The following QRICH2 variants were observed in gnomAD, a reference collection of about 807,000 sequenced individuals.
The protein encoded by QRICH2 is glutamine rich 2, also known as glutamine-rich protein 2.
In QRICH2, 119 loss-of-function variants were observed where a neutral mutation model predicts 168.3. The observed-to-expected ratio is 0.71, with a 90% CI of 0.61 to 0.82. QRICH2 has a LOEUF of 0.82. Ranked by LOEUF, QRICH2 falls within the 40% of genes least tolerant of loss-of-function variation. QRICH2 has a pLI of 0.00. For synonymous variants in QRICH2, 894 were observed against 951.2 expected (o/e 0.94, Z 1.11); for missense variants, 2,241 against 2,491.6 (o/e 0.90, Z 2.14).
At chr17:76,286,142 T>C (rs2070880865) in intron 7 of QRICH2, among the ~76,000 whole-genome samples, 1 of 151,088 alleles carries the variant, frequency 6.6e-6, no homozygotes, top group African/African-American at 2.4e-5. Flanking sequence ...GCCACTGCAC[T>C]CCAGCCTAGG....
rs559006309 is a variant in QRICH2 at position 76,275,497 on chromosome 17, T to G, written c.5482+322A>C. Reference sequence around the variant, plus strand: ...CATGGCCTGTGCCCAGCAGCCACCATGCAGAGCCCAGGCGCACGAGCTCCA... The same window carrying G: ...CATGGCCTGTGCCCAGCAGCCACCAGGCAGAGCCCAGGCGCACGAGCTCCA... On this transcript the variant is annotated intron_variant, in intron 18 of 18. Transcript: ENST00000680821. Among the ~76,000 whole-genome samples the G allele has an allele frequency of 2.5e-4, 38 of 152,262 alleles. No individual in the cohort carries two copies. In the East Asian group the frequency reaches 7.0e-3, roughly 28 times the overall value.
intron 3 of QRICH2, among the ~76,000 whole-genome samples, chr17:76,304,210 A>G (rs73996304): frequency 0.12 from 18,510 of 152,216 alleles, 2,592 homozygotes; most frequent in African/African-American, 0.35. Context: ...CCAAATCACT[A>G]ACACACATCC....
At chr17:76,278,335 A>C (rs2143140584) in intron 14 of QRICH2, 146 bp from the exon 15 acceptor site, 1 of 721,710 alleles carries the variant, frequency 1.4e-6, no homozygotes, top group Non-Finnish European at 2.3e-6. Flanking sequence ...CCTCAGCAGT[A>C]GTCCTTTCCA....
At chr17:76,297,247 C>G (rs546344606) in intron 3 of QRICH2, among the ~76,000 whole-genome samples, 2 of 152,256 alleles carry the variant, frequency 1.3e-5, no homozygotes, top group East Asian at 3.9e-4. Context: ...TGTCCCACAC[C>G]GGTAATCCCA....
chr17:76,307,504 A>T lies in QRICH2; in HGVS notation c.495T>A (p.Ser165Arg). ...VRAFDRVRTG[S>R]IMKDAAEELS... ...GCTCCTCGGCGGCGTCCTTCATGAT[A>T]CTCCCAGTCCGCACCCTATCGAACG... Residue 165 changes from serine to arginine, a missense_variant, in exon 1 of 19, where the codon AGT becomes AGA. Physicochemically the swap from Ser to Arg is moderately radical, Grantham distance 110. Around this residue, in one of 3 missense-constraint regions of QRICH2, gnomAD observed 2,047 missense variants for 2,303.8 expected, o/e 0.89. Transcript: ENST00000680821. This position sits in a 1 kb window ranked among gnomAD's most constrained non-coding sequence, Gnocchi z 5.3. 1 of 1,612,942 alleles carries T rather than the reference A, an allele frequency of 6.2e-7. No homozygotes were observed. Among genetic ancestry groups the T allele is most frequent in the South Asian group, 1.1e-5 (1 of 91,024 alleles).
chr17:76,292,864 G>A lies in QRICH2; in HGVS notation c.1863C>T (p.Val621=). 6.3e-7 allele frequency: 1 copy of A among 1,598,648 alleles called. No homozygotes were observed. The highest frequency in any genetic ancestry group is 1.1e-5 in the South Asian group (1 of 90,796). Residue 621 remains valine (V), a synonymous_variant, in exon 4 of 19, where the codon GTC becomes GTT. Transcript: ENST00000680821. ...AACCAGACTGATCCATTCCAGGCCA[G>A]ACCAAACCACGCTGATCTGCACCAG... ...AQPGADQRGL[V]WPGMDQSGLA...
At chr17:76,304,781 C>G in intron 2 of QRICH2, 101 bp downstream of exon 2, 1 of 901,554 alleles carries the variant, frequency 1.1e-6, no homozygotes, top group Non-Finnish European at 1.9e-6. Flanking sequence ...GCAGAGGGCA[C>G]ACACTGCCTG....
rs143270448 is a variant in QRICH2 at position 76,277,990 on chromosome 17, G to A, written c.5116C>T (p.Arg1706Trp). Residue 1706 changes from arginine (R) to tryptophan (W), a missense_variant and splice_region_variant, in exon 15 of 19, where the codon CGG (arginine) becomes TGG (tryptophan). Transcript: ENST00000680821. ...TGGCCTCGCCCGCCTCTCCTGTACC[G>A]TTTGTAGCAGGGGGAGCCCAGGCAC... ...AQCLGSPCYK[R>W]VTDMADYTYS... 2.1e-3 allele frequency: 3,443 copies of A among 1,610,808 alleles called. 4 individuals are homozygous for A. The highest frequency in any genetic ancestry group is 4.5e-3 in the Middle Eastern group (27 of 6,062).
At chr17:76,284,865 G>C (rs900500329) in intron 7 of QRICH2, among the ~76,000 whole-genome samples, 2 of 150,306 alleles carry the variant, frequency 1.3e-5, no homozygotes, top group Non-Finnish European at 3.0e-5. Context: ...TGGCCAAAAA[G>C]CACATGAAAA....
At chr17:76,303,106 A>G (rs1218220095) in intron 3 of QRICH2, among the ~76,000 whole-genome samples, 1 of 151,738 alleles carries the variant, frequency 6.6e-6, no homozygotes, top group East Asian at 1.9e-4. Context: ...CTGGGCTCGA[A>G]CTCCTGAACG....
In QRICH2 at chr17:76,281,285, C is replaced by A. The variant is rs535173470; in HGVS notation, c.4264-332G>T. Among the ~76,000 whole-genome samples, 2 of 152,312 alleles carry A rather than the reference C, an allele frequency of 1.3e-5. No individual in the cohort carries two copies. Among genetic ancestry groups the A allele is most frequent in the South Asian group, 4.1e-4 (2 of 4,828 alleles). ...GACACAAGCGTCAGTCACCTACATCCCCATGGACTAGCCTTGTGACCCTGG... is the reference window on the plus strand; with the variant it reads ...GACACAAGCGTCAGTCACCTACATCACCATGGACTAGCCTTGTGACCCTGG... On this transcript the variant is annotated intron_variant, in intron 8 of 18. Transcript: ENST00000680821. The surrounding 1 kb of genome is among the most constrained non-coding windows in gnomAD (Gnocchi z 4.4).
At position 76,276,673 on chromosome 17, in the gene QRICH2, C is replaced by T. The variant is rs775885009; in HGVS notation, c.5353+7G>A. On this transcript the variant is annotated splice_region_variant and intron_variant, in intron 17 of 18. Coordinates refer to ENST00000680821, the MANE Select transcript of QRICH2 (RefSeq NM_001388453.1). ...GAGGTGCCTGGGGGCCTCTGGACTC[C>T]ACTCACTGTCTTTTCGGAGGATGCC... The T allele has an allele frequency of 1.9e-6, 3 of 1,609,718 alleles. No individual in the cohort carries two copies. Among genetic ancestry groups the T allele is most frequent in the East Asian group, 2.2e-5 (1 of 44,894 alleles).
intron 13 of QRICH2, 109 bp from the exon 14 acceptor site, chr17:76,279,251 G>T: frequency 7.5e-7 from 1 of 1,334,318 alleles, no homozygotes; most frequent in East Asian, 2.4e-5. Flanking sequence ...GGAAGGGAGC[G>T]AGGGCTGGAA....
Position 76,307,830 on chromosome 17 carries a change from G to T in QRICH2, c.169C>A (p.Pro57Thr), listed in dbSNP as rs754953624. Reference protein sequence around the residue: ...RIDFQPSSPEPSRSLQSVRSS... With the variant: ...RIDFQPSSPETSRSLQSVRSS... The stretch of plus-strand genomic sequence containing the variant: ...CGGACGGACTGCAGCGAGCGGCTGG[G>T]CTCGGGCGACGAGGGCTGGAAGTCG... The change falls in exon 1 of 19, where the codon CCC (proline) becomes ACC (threonine). Residue 57 changes from proline (P) to threonine (T), a missense_variant. Pro to Thr is a conservative substitution (Grantham distance 38). Around this residue, in one of 3 missense-constraint regions of QRICH2, gnomAD observed 2,047 missense variants for 2,303.8 expected, o/e 0.89. Coordinates refer to ENST00000680821, the MANE Select transcript of QRICH2 (RefSeq NM_001388453.1). This position sits in a 1 kb window ranked among gnomAD's most constrained non-coding sequence, Gnocchi z 5.3. 2.2e-5 allele frequency: 28 copies of T among 1,289,160 alleles called. No individual in the cohort carries two copies. The highest frequency in any genetic ancestry group is 2.4e-5 in the Non-Finnish European group (25 of 1,020,532). The allele number at this position is 1,289,160 out of a possible 1,614,324, so 79.9% of individuals were successfully genotyped here. A position where few individuals can be genotyped will look rare whatever the true frequency, so the allele number is the denominator to read the frequency against.
rs760928795 is a variant in QRICH2 at position 76,281,895 on chromosome 17, C to T, written c.4232G>A (p.Arg1411Gln). 9.9e-6 allele frequency: 16 copies of T among 1,613,464 alleles called. No homozygotes were observed. In the African/African-American group the frequency reaches 1.2e-4, roughly 12 times the overall value. The change falls in exon 8 of 19, where the codon CGA becomes CAA. Residue 1411 changes from arginine (R) to glutamine (Q), a missense_variant. Physicochemically the swap from Arg to Gln is conservative, Grantham distance 43. This residue lies in a region of QRICH2 where 2,047 missense variants were observed against 2,303.8 expected (regional missense o/e 0.89). Transcript: ENST00000680821. The surrounding 1 kb of genome is among the most constrained non-coding windows in gnomAD (Gnocchi z 4.4). Reference protein sequence around the residue: ...QDMVNSLAVSRPSKKAKLQRQ... With the variant: ...QDMVNSLAVSQPSKKAKLQRQ... Reference sequence around the variant, plus strand: ...CTGGAGCTTGGCCTTCTTGGAGGGTCGGGAGACGGCCAGGCTGTTGACCAT... The same window carrying T: ...CTGGAGCTTGGCCTTCTTGGAGGGTTGGGAGACGGCCAGGCTGTTGACCAT...
chr17:76,298,181 ATT>A (rs1244588706), intron 3 of QRICH2, among the ~76,000 whole-genome samples: 4 of 84,246 alleles, frequency 4.7e-5, no homozygotes, highest in Non-Finnish European at 2.2e-5. Flanking sequence ...TTTCTGGCTA[ATT>A]TTTTTTTTTT....
rs779843437 is a variant in QRICH2, at chr17:76,291,417, CAAAG to C, written c.3306_3309del (p.Phe1103ThrfsTer16). On this transcript the variant is annotated frameshift_variant, in exon 4 of 19. Coordinates refer to ENST00000680821, the MANE Select transcript of QRICH2 (RefSeq NM_001388453.1). LOFTEE classifies it high-confidence loss of function. ...CCAGGATACATTGAATCATGACTGTCAAAGAGAGAGAAAGCATGGCCATGCTGAG... is the reference window on the plus strand; with the variant it reads ...CCAGGATACATTGAATCATGACTGTCAGAGAGAAAGCATGGCCATGCTGAG... 9 of 1,613,954 alleles carry C rather than the reference CAAAG, an allele frequency of 5.6e-6. No homozygotes were observed. Among genetic ancestry groups the C allele is most frequent in the Middle Eastern group, 1.6e-4 (1 of 6,084 alleles).
intron 3 of QRICH2, among the ~76,000 whole-genome samples, chr17:76,302,202 T>G (rs1173038875): frequency 1.3e-5 from 2 of 151,872 alleles, no homozygotes; most frequent in Non-Finnish European, 2.9e-5. Context: ...CGGCCGGCAC[T>G]CATTATTTAT....
At position 76,291,294 on chromosome 17, in the gene QRICH2, G is replaced by A; in HGVS notation, c.3433C>T (p.Gln1145Ter). Residue 1145 changes from glutamine to a stop codon, truncating the protein, a stop_gained, in exon 4 of 19, where the codon CAG becomes TAG. Transcript: ENST00000680821. LOFTEE classifies it high-confidence loss of function. ...RASDRHGIPA[Q>*]KAPGQDVTLF... is the part of the protein sequence containing the mutation. Reference sequence around the variant, plus strand: ...GTGACATCTTGGCCTGGGGCCTTCTGGGCAGGAATTCCATGTCGGTCCGAG... The same window carrying A: ...GTGACATCTTGGCCTGGGGCCTTCTAGGCAGGAATTCCATGTCGGTCCGAG... 1 of 1,614,142 alleles carries A rather than the reference G, an allele frequency of 6.2e-7. No individual in the cohort carries two copies. Among genetic ancestry groups the A allele is most frequent in the Non-Finnish European group, 8.5e-7 (1 of 1,180,010 alleles).
Sources: gnomAD v4.1 joint callset for allele counts (sites outside exome capture counted in the v4.1 genomes callset) on GRCh38, gnomAD v4.1.1 for gene constraint, gnomAD v4.1.1 regional missense constraint, Gnocchi (gnomAD v3.1) non-coding constraint, MANE v1.5 for transcripts, NCBI Gene and HGNC (gene_info 2026-07-23, HGNC 2026-07-21) for gene names.